Variants in CAST observed in about 807,000 individuals in gnomAD.
CAST encodes calpastatin, also known as MIR583 host.
In CAST, 76 loss-of-function variants were observed where a neutral mutation model predicts 119.6. The ratio of observed to expected loss-of-function variants is 0.64; its 90% confidence interval spans 0.53 to 0.77. The LOEUF (loss-of-function observed/expected upper bound fraction) is 0.77, where lower values mean the gene tolerates loss of function less well. Among genes scored for constraint, CAST ranks in the 30% least tolerant of loss-of-function variants. CAST has a pLI of 0.00. For missense variants in CAST, 953 were observed against 946.5 expected (o/e 1.01, Z -0.09); for synonymous variants, 319 against 331.6 (o/e 0.96, Z 0.41).
chr5:96,725,427 C>T (rs950642986), intron 4 of CAST, among the ~76,000 whole-genome samples: 1 of 152,190 alleles, frequency 6.6e-6, no homozygotes, highest in Non-Finnish European at 1.5e-5. Flanking sequence ...GACTAGAACA[C>T]ACAACCTCAG....
the CAST span, among the ~76,000 whole-genome samples, chr5:96,008,241 C>T: frequency 7.9e-5 from 12 of 152,158 alleles, no homozygotes; most frequent in Non-Finnish European, 1.2e-4. Flanking sequence ...ATTATCAAAC[C>T]TTTATCAATA....
chr5:96,116,534 A>C, the CAST span, among the ~76,000 whole-genome samples: 1 of 152,216 alleles, frequency 6.6e-6, no homozygotes, highest in Non-Finnish European at 1.5e-5. Context: ...ACTCCCCAGC[A>C]ATATATTAGA....
At chr5:96,370,427 G>A in the CAST span, among the ~76,000 whole-genome samples, 332 of 152,202 alleles carry the variant, frequency 2.2e-3, 4 homozygotes, top group African/African-American at 7.0e-3. Context: ...AACTTTAAGC[G>A]TCCCAAACTG....
At chr5:96,375,453 CAT>C in the CAST span, among the ~76,000 whole-genome samples, 1 of 150,146 alleles carries the variant, frequency 6.7e-6, no homozygotes, top group Non-Finnish European at 1.5e-5. Flanking sequence ...TTACTATGCA[CAT>C]GAGTTTACTC....
the CAST span, among the ~76,000 whole-genome samples, chr5:96,029,434 G>A: frequency 6.6e-6 from 1 of 151,880 alleles, no homozygotes; most frequent in East Asian, 1.9e-4. Context: ...AACTTCATGT[G>A]CAATATATAA....
intron 1 of CAST, among the ~76,000 whole-genome samples, chr5:96,573,068 G>A (rs534039101): frequency 6.6e-6 from 1 of 152,220 alleles, no homozygotes; most frequent in African/African-American, 2.4e-5. Context: ...AGGACAAGAA[G>A]GAGCAATGCA....
At chr5:96,306,597 T>G in the CAST span, among the ~76,000 whole-genome samples, 6 of 152,190 alleles carry the variant, frequency 3.9e-5, no homozygotes, top group African/African-American at 1.2e-4. Context: ...GTGCTGTAAA[T>G]TTCCCTCTAC....
chr5:96,441,152 A>G, the CAST span, among the ~76,000 whole-genome samples: 2 of 152,212 alleles, frequency 1.3e-5, no homozygotes, highest in Non-Finnish European at 2.9e-5. Flanking sequence ...TTTTATTGAG[A>G]AAATAGCACC....
intron 1 of CAST, among the ~76,000 whole-genome samples, chr5:96,567,800 G>T (rs1034028472): frequency 1.3e-5 from 2 of 152,106 alleles, no homozygotes; most frequent in Non-Finnish European, 2.9e-5. Flanking sequence ...GCTTCACCTG[G>T]ACATTTAGAG....
At chr5:96,163,089 A>C in the CAST span, among the ~76,000 whole-genome samples, 3,150 of 151,840 alleles carry the variant, frequency 0.021, 118 homozygotes, top group African/African-American at 0.073. Context: ...GTTTATTCAG[A>C]TTTTCTGCTT....
chr5:96,473,711 T>C, the CAST span, among the ~76,000 whole-genome samples: 7 of 152,334 alleles, frequency 4.6e-5, no homozygotes, highest in East Asian at 1.9e-4. Flanking sequence ...CTGATTCTCA[T>C]GGCCATTCAG....
the CAST span, among the ~76,000 whole-genome samples, chr5:96,409,350 C>T: frequency 6.6e-6 from 1 of 152,174 alleles, no homozygotes; most frequent in Non-Finnish European, 1.5e-5. Context: ...CTGAATTTCT[C>T]AAGTTATGAT....
chr5:96,724,697 C>G (rs1183309315), intron 4 of CAST, among the ~76,000 whole-genome samples: 1 of 151,912 alleles, frequency 6.6e-6, no homozygotes, highest in African/African-American at 2.4e-5. Flanking sequence ...GTGGTTTACT[C>G]CTGTAGTCTC....
At chr5:96,506,270 G>C in the CAST span, among the ~76,000 whole-genome samples, 45 of 152,244 alleles carry the variant, frequency 3.0e-4, no homozygotes, top group African/African-American at 9.4e-4. Flanking sequence ...AGAGATTCTT[G>C]GTTCATTTGT....
At chr5:96,551,895 G>C (rs994407758) in intron 1 of CAST, among the ~76,000 whole-genome samples, 13 of 152,010 alleles carry the variant, frequency 8.6e-5, no homozygotes, top group Admixed American at 3.3e-4. Flanking sequence ...GCACCCAATA[G>C]AGGAGCACCG....
At chr5:96,600,183 T>G (rs1747125023) in intron 1 of CAST, among the ~76,000 whole-genome samples, 1 of 152,252 alleles carries the variant, frequency 6.6e-6, no homozygotes, top group Non-Finnish European at 1.5e-5. Flanking sequence ...ATATCGTTCT[T>G]GCCAATCAAG....
the CAST span, among the ~76,000 whole-genome samples, chr5:96,236,300 T>G: frequency 3.9e-5 from 6 of 152,208 alleles, no homozygotes; most frequent in Admixed American, 1.3e-4. Context: ...AAAATGGCTG[T>G]CTTTGCCAAA....
chr5:96,123,446 T>C, the CAST span, among the ~76,000 whole-genome samples: 1 of 152,090 alleles, frequency 6.6e-6, no homozygotes, highest in Non-Finnish European at 1.5e-5. Flanking sequence ...ATTGACAGGG[T>C]TAAAACAAAA....
the CAST span, among the ~76,000 whole-genome samples, chr5:95,975,907 G>A: frequency 6.6e-6 from 1 of 152,084 alleles, no homozygotes; most frequent in Admixed American, 6.6e-5. Context: ...TTGGTCCCCT[G>A]ACGATAGCCA....
Sources: gnomAD v4.1 joint callset for allele counts (sites outside exome capture counted in the v4.1 genomes callset) on GRCh38, gnomAD v4.1.1 for gene constraint, MANE v1.5 for transcripts, NCBI Gene and HGNC (gene_info 2026-07-23, HGNC 2026-07-21) for gene names.